The following BIRC6 variants were observed in gnomAD, a reference collection of about 807,000 sequenced individuals.
BIRC6 encodes the protein dual E2 ubiquitin-conjugating enzyme/E3 ubiquitin-protein ligase BIRC6.
A neutral mutation model predicts 503.3 loss-of-function variants in BIRC6; 98 were observed. The ratio of observed to expected loss-of-function variants is 0.19; its 90% CI spans 0.17 to 0.23. The LOEUF (loss-of-function observed/expected upper bound fraction) is 0.23. Ranked by LOEUF, BIRC6 falls within the 10% of genes least tolerant of loss-of-function variation. The pLI, the probability that BIRC6 is intolerant of heterozygous loss-of-function variation, is 1.00. For synonymous variants in BIRC6, 2,240 were observed against 2,078.7 expected (o/e 1.08, Z -2.11); for missense variants, 5,360 against 5,806.0 (o/e 0.92, Z 2.50).
intron 1 of BIRC6, among the ~76,000 whole-genome samples, chr2:32,368,521 C>T (rs1395967708): frequency 1.3e-5 from 2 of 151,994 alleles, no homozygotes; most frequent in Non-Finnish European, 2.9e-5. Context: ...GCCTAGGTGA[C>T]ATAGCGAGAC....
intron 5 of BIRC6, among the ~76,000 whole-genome samples, chr2:32,393,489 A>C (rs893891240): frequency 4.6e-5 from 7 of 152,200 alleles, no homozygotes; most frequent in African/African-American, 1.7e-4. Context: ...TGTCAGTTTA[A>C]ATAAAGCATG....
At position 32,464,654 on chromosome 2, in the gene BIRC6, C is replaced by G; in HGVS notation, c.5087C>G (p.Pro1696Arg). The G allele has an allele frequency of 1.9e-6, 3 of 1,613,952 alleles. No homozygotes were observed. The highest frequency in any genetic ancestry group is 2.5e-6 in the Non-Finnish European group (3 of 1,179,878). Residue 1696 changes from proline (P) to arginine (R), a missense_variant, in exon 25 of 74, where the codon CCC becomes CGC. Around this residue, in one of 16 missense-constraint regions of BIRC6, gnomAD observed 2,299 missense variants for 2,267.2 expected, o/e 1.01. Coordinates refer to ENST00000421745, the MANE Select transcript of BIRC6 (RefSeq NM_016252.4). ...FFIHPSDVIP[P>R]TPKTTPLFMT... is the part of the protein sequence containing the mutation. Reference sequence around the variant, plus strand: ...ATTCATCCATCTGATGTTATTCCACCCACTCCAAAAACAACACCTCTTTTT... The same window carrying G: ...ATTCATCCATCTGATGTTATTCCACGCACTCCAAAAACAACACCTCTTTTT...
intron 65 of BIRC6, chr2:32,574,650 A>C (rs774696001): frequency 1.2e-5 from 2 of 167,404 alleles, no homozygotes; most frequent in Non-Finnish European, 2.6e-5. Flanking sequence ...TGAGTAGCCT[A>C]ATGAGGAAGA....
At chr2:32,448,716 G>C in intron 21 of BIRC6, 79 bp from the exon 22 acceptor site, 1 of 1,378,496 alleles carries the variant, frequency 7.3e-7, no homozygotes, top group Non-Finnish European at 1.0e-6. Flanking sequence ...TAGTCAGACT[G>C]CTTTTAAAAC....
intron 66 of BIRC6, among the ~76,000 whole-genome samples, chr2:32,579,603 C>T (rs899784176): frequency 1.3e-5 from 2 of 151,926 alleles, no homozygotes; most frequent in African/African-American, 2.4e-5. Context: ...GTGGGAGGAT[C>T]GCTTGAGACT....
intron 66 of BIRC6, among the ~76,000 whole-genome samples, chr2:32,578,885 T>C (rs2060451757): frequency 6.6e-6 from 1 of 150,850 alleles, no homozygotes; most frequent in Non-Finnish European, 1.5e-5. Context: ...TCTCTATTAC[T>C]GTGAAATCCA....
rs372950966 is a variant in BIRC6 at position 32,463,176 on chromosome 2, C to T, written c.4754-18C>T. Reference sequence around the variant, plus strand: ...CTGGTGTTTTTTGTTTTTGTTTTTACCCCTTGTCTTATGCCAGTGAGTTCC... The same window carrying T: ...CTGGTGTTTTTTGTTTTTGTTTTTATCCCTTGTCTTATGCCAGTGAGTTCC... On this transcript the variant is annotated intron_variant, in intron 23 of 73. Transcript: ENST00000421745. 1.3e-6 allele frequency: 2 copies of T among 1,578,620 alleles called. No individual in the cohort carries two copies. The highest frequency in any genetic ancestry group is 2.7e-5 in the African/African-American group (2 of 72,966).
chr2:32,591,736 T>C (rs1386709612), intron 66 of BIRC6, among the ~76,000 whole-genome samples: 1 of 152,242 alleles, frequency 6.6e-6, no homozygotes, highest in Non-Finnish European at 1.5e-5. Context: ...ATTATGGCTG[T>C]AATCATAACT....
intron 22 of BIRC6, among the ~76,000 whole-genome samples, chr2:32,449,968 C>G (rs1166659251): frequency 6.6e-6 from 1 of 152,186 alleles, no homozygotes; most frequent in Non-Finnish European, 1.5e-5. Context: ...TCTGTCTTCT[C>G]TATCCAAGTG....
intron 1 of BIRC6, among the ~76,000 whole-genome samples, chr2:32,364,418 T>C (rs1369394151): frequency 6.6e-6 from 1 of 152,102 alleles, no homozygotes; most frequent in Non-Finnish European, 1.5e-5. Context: ...TTTTTTTCTA[T>C]TTTTAGTAGA....
chr2:32,403,332 G>GA (rs2040804348), intron 8 of BIRC6, among the ~76,000 whole-genome samples: 1 of 152,090 alleles, frequency 6.6e-6, no homozygotes, highest in Admixed American at 6.5e-5. Flanking sequence ...ACATTAATTG[G>GA]AAAAATCTAA....
chr2:32,482,403 C>A, intron 38 of BIRC6, 26 bp from the exon 39 acceptor site: 1 of 1,592,560 alleles, frequency 6.3e-7, no homozygotes, highest in Non-Finnish European at 8.6e-7. Context: ...AAAAATAAAC[C>A]ACAGTTTTTT....
intron 65 of BIRC6, among the ~76,000 whole-genome samples, chr2:32,555,468 G>T (rs536627848): frequency 3.1e-4 from 47 of 151,728 alleles, no homozygotes; most frequent in Admixed American, 1.3e-3. Flanking sequence ...GTGAAACCCC[G>T]TCTCTACTAA....
At chr2:32,521,314 C>G (rs1170061609) in intron 57 of BIRC6, among the ~76,000 whole-genome samples, 2 of 116,598 alleles carry the variant, frequency 1.7e-5, no homozygotes, top group Non-Finnish European at 3.2e-5. Context: ...CTCTGCATTA[C>G]TTGAGCCCAT....
At chr2:32,437,946 T>G (rs1010257347) in intron 15 of BIRC6, among the ~76,000 whole-genome samples, 1 of 152,186 alleles carries the variant, frequency 6.6e-6, no homozygotes, top group African/African-American at 2.4e-5. Flanking sequence ...AATAGAAATA[T>G]TGGTGTTTTT....
In BIRC6 at chr2:32,581,071, G is replaced by A. The variant is rs188402362; in HGVS notation, c.13355+5705G>A. Among the ~76,000 whole-genome samples, 7 of 152,250 alleles carry A rather than the reference G, an allele frequency of 4.6e-5. No individual in the cohort carries two copies. The East Asian group carries it at 1.2e-3, about 25-fold the overall frequency. On this transcript the variant is annotated intron_variant, in intron 66 of 73. Coordinates refer to ENST00000421745, the MANE Select transcript of BIRC6 (RefSeq NM_016252.4). ...TAATCCTATTACTTGGTTATTTGACGGACTCAGGCAGAAAGCTATGATCCG... is the reference window on the plus strand; with the variant it reads ...TAATCCTATTACTTGGTTATTTGACAGACTCAGGCAGAAAGCTATGATCCG...
Position 32,551,500 on chromosome 2 carries a change from C to G in BIRC6, c.13144+2019C>G, listed in dbSNP as rs117559783. On this transcript the variant is annotated intron_variant, in intron 65 of 73. Transcript: ENST00000421745. ...GTTTCACCATGTTAGCCAGGCTGGT[C>G]TCAAATCCTGGCCCCATGTGATCTG... is the stretch of plus-strand genomic sequence containing the variant. Among the ~76,000 whole-genome samples the G allele has an allele frequency of 7.9e-4, 120 of 152,236 alleles. 1 individual carries two copies. The East Asian group carries it at 0.022, about 28-fold the overall frequency.
intron 45 of BIRC6, among the ~76,000 whole-genome samples, chr2:32,495,989 C>T (rs1483699558): frequency 6.6e-6 from 1 of 151,816 alleles, no homozygotes; most frequent in African/African-American, 2.4e-5. Flanking sequence ...AGGTGCCTGC[C>T]ATCACGCCCT....
At chr2:32,407,401 C>T (rs1267925312) in intron 9 of BIRC6, among the ~76,000 whole-genome samples, 5 of 146,876 alleles carry the variant, frequency 3.4e-5, no homozygotes, top group South Asian at 2.1e-4. Flanking sequence ...GCTGAGATTG[C>T]GCCATTGCAC....
Sources: allele counts gnomAD v4.1 joint callset (sites outside exome capture counted in the v4.1 genomes callset), GRCh38; gene constraint gnomAD v4.1.1; regional missense constraint gnomAD v4.1.1; transcripts MANE v1.5; gene names NCBI Gene and HGNC (gene_info 2026-07-23, HGNC 2026-07-21).